The following CAMTA1 variants were observed in gnomAD, a reference collection of about 807,000 sequenced individuals.
The protein encoded by CAMTA1 is calmodulin-binding transcription activator 1.
CAMTA1 carries 27 observed loss-of-function variants against 170.9 expected under a neutral mutation model. That is an observed-to-expected ratio of 0.16 (90% CI 0.12 to 0.22). CAMTA1 has a LOEUF of 0.22. Among genes scored for constraint, CAMTA1 ranks in the 10% least tolerant of loss-of-function variants. The pLI is 1.00. For synonymous variants in CAMTA1, 833 were observed against 891.5 expected, an observed-to-expected ratio of 0.93 and a Z score of 1.17; for missense variants, 1,619 against 2,217.2, an observed-to-expected ratio of 0.73 and a Z score of 5.42.
chr1:7,553,340 T>A (rs2094833700), intron 6 of CAMTA1, among the ~76,000 whole-genome samples: 2 of 152,214 alleles, frequency 1.3e-5, no homozygotes, highest in Admixed American at 6.5e-5. Context: ...GAGGGCACAC[T>A]GGCAGTGAGG....
In CAMTA1 at chr1:7,286,169, G is replaced by A. The variant is rs562885844; in HGVS notation, c.438+36543G>A. Reference sequence around the variant, plus strand: ...GGATGAGTGAGCCTGCTGGTGGGGGGCAGAGAGGAAAGACCTCACAGGGAG... The same window carrying A: ...GGATGAGTGAGCCTGCTGGTGGGGGACAGAGAGGAAAGACCTCACAGGGAG... On this transcript the variant is annotated intron_variant, in intron 5 of 22. Transcript: ENST00000303635. The surrounding 1 kb of genome is among the most constrained non-coding windows in gnomAD (Gnocchi z 4.2). Among the ~76,000 whole-genome samples, 10 of 152,258 alleles carry A rather than the reference G, an allele frequency of 6.6e-5. No individual in the cohort carries two copies. In the South Asian group the frequency reaches 1.2e-3, roughly 19 times the overall value.
intron 3 of CAMTA1, among the ~76,000 whole-genome samples, chr1:6,976,560 C>A (rs1477418548): frequency 1.3e-5 from 2 of 152,150 alleles, no homozygotes; most frequent in Non-Finnish European, 2.9e-5. Flanking sequence ...GAAAGCCAGG[C>A]TCTCGGGAGC....
At chr1:7,740,899 A>G (rs950864420) in intron 16 of CAMTA1, among the ~76,000 whole-genome samples, 1 of 152,250 alleles carries the variant, frequency 6.6e-6, no homozygotes, top group Non-Finnish European at 1.5e-5. Flanking sequence ...GTGTCTATGA[A>G]AAAAGCAGCA....
intron 17 of CAMTA1, 72 bp from the exon 18 acceptor site, chr1:7,745,773 C>T: frequency 3.2e-6 from 5 of 1,580,156 alleles, no homozygotes; most frequent in Admixed American, 1.7e-5. Context: ...CATCTTGGCT[C>T]ATTCATTAAT....
chr1:7,203,998 AT>A (rs111533121), intron 4 of CAMTA1, among the ~76,000 whole-genome samples: 4,673 of 132,512 alleles, frequency 0.035, 231 homozygotes, highest in African/African-American at 0.15. Flanking sequence ...TGCCCGGCTA[AT>A]TTTTTTTTTT....
At chr1:7,043,149 C>T (rs970111400) in intron 3 of CAMTA1, among the ~76,000 whole-genome samples, 11 of 152,168 alleles carry the variant, frequency 7.2e-5, no homozygotes, top group South Asian at 2.1e-4. Context: ...CTGCCAAGGC[C>T]GCTGGCACAG....
At chr1:7,520,361 G>A (rs976115230) in intron 6 of CAMTA1, among the ~76,000 whole-genome samples, 2 of 146,366 alleles carry the variant, frequency 1.4e-5, no homozygotes, top group Middle Eastern at 3.4e-3. Flanking sequence ...TTGGGGCTGA[G>A]AGTTATTCGA....
chr1:7,766,334 C>A, intron 22 of CAMTA1, 125 bp from the exon 23 acceptor site: 1 of 745,698 alleles, frequency 1.3e-6, no homozygotes, highest in South Asian at 2.1e-5. Context: ...CTTTTGCCGT[C>A]AATCCTCAAA....
Position 6,879,200 on chromosome 1 carries a change from T to C in CAMTA1, c.234+53990T>C, listed in dbSNP as rs138008432. ...CTGGAAGTATTTTATCTTAATACCA[T>C]CTATAAAACTCAGTCATCCTAGGAG... is the stretch of plus-strand genomic sequence containing the variant. On this transcript the variant is annotated intron_variant, in intron 3 of 22. Coordinates refer to ENST00000303635, the MANE Select transcript of CAMTA1 (RefSeq NM_015215.4). Among the ~76,000 whole-genome samples the C allele has an allele frequency of 2.6e-5, 4 of 152,278 alleles. No homozygotes were observed. In the East Asian group the frequency reaches 7.7e-4, roughly 29 times the overall value.
chr1:7,264,219 C>T (rs556999960), intron 5 of CAMTA1, among the ~76,000 whole-genome samples: 15 of 152,160 alleles, frequency 9.9e-5, no homozygotes, highest in Non-Finnish European at 1.6e-4. Flanking sequence ...CTGGGTGGGG[C>T]CTGAGATGCT....
At chr1:7,705,678 C>T (rs955912536) in intron 11 of CAMTA1, among the ~76,000 whole-genome samples, 27 of 152,128 alleles carry the variant, frequency 1.8e-4, no homozygotes, top group Non-Finnish European at 3.5e-4. Context: ...CCTGGGCAGA[C>T]AGGTGCGAGG....
intron 5 of CAMTA1, among the ~76,000 whole-genome samples, chr1:7,415,127 T>C (rs1306113823): frequency 6.6e-5 from 10 of 152,116 alleles, no homozygotes; most frequent in Admixed American, 2.0e-4. Context: ...TGAGAGACAG[T>C]TTGTTATAAT....
In CAMTA1 at chr1:6,918,850, G is replaced by A. The variant is rs1344949390; in HGVS notation, c.234+93640G>A. 1.3e-5 allele frequency among the ~76,000 whole-genome samples: 2 copies of A among 152,198 alleles called. No homozygotes were observed. The highest frequency in any genetic ancestry group is 1.9e-4 in the East Asian group (1 of 5,182). On this transcript the variant is annotated intron_variant, in intron 3 of 22. Coordinates refer to ENST00000303635, the MANE Select transcript of CAMTA1 (RefSeq NM_015215.4). This position sits in a 1 kb window ranked among gnomAD's most constrained non-coding sequence, Gnocchi z 4.0. Reference sequence around the variant, plus strand: ...GCCACTTGATGCAGAGAAGAAAGGAGGGTCTGAATCGGGCCCAGCAGAACT... The same window carrying A: ...GCCACTTGATGCAGAGAAGAAAGGAAGGTCTGAATCGGGCCCAGCAGAACT...
chr1:6,961,026 G>T (rs1283636509), intron 3 of CAMTA1, among the ~76,000 whole-genome samples: 1 of 152,186 alleles, frequency 6.6e-6, no homozygotes, highest in African/African-American at 2.4e-5. Flanking sequence ...AACCCAGGCA[G>T]CCTGGAGTGA....
At chr1:7,386,793 G>A (rs1240994085) in intron 5 of CAMTA1, among the ~76,000 whole-genome samples, 4 of 152,128 alleles carry the variant, frequency 2.6e-5, no homozygotes, top group South Asian at 4.1e-4. Context: ...ATACTTTCCC[G>A]GGTCACTTGG....
chr1:7,704,385 A>G (rs963006839), intron 11 of CAMTA1, among the ~76,000 whole-genome samples: 3 of 145,672 alleles, frequency 2.1e-5, no homozygotes, highest in Non-Finnish European at 4.6e-5. Context: ...GCCTCGAGGG[A>G]ACCGTCGCCG....
intron 3 of CAMTA1, among the ~76,000 whole-genome samples, chr1:6,985,556 A>C (rs1036053392): frequency 1.2e-4 from 18 of 152,248 alleles, no homozygotes; most frequent in African/African-American, 3.9e-4. Context: ...GGGACCCGAT[A>C]TACACTTACA....
chr1:7,291,870 C>T (rs1673186416), intron 5 of CAMTA1, among the ~76,000 whole-genome samples: 1 of 152,162 alleles, frequency 6.6e-6, no homozygotes, highest in African/African-American at 2.4e-5. Context: ...GGAAGTGGTG[C>T]AGGGAAGAAA....
At chr1:7,758,841 A>T (rs2096952397) in intron 22 of CAMTA1, among the ~76,000 whole-genome samples, 2 of 150,492 alleles carry the variant, frequency 1.3e-5, no homozygotes, top group Non-Finnish European at 3.0e-5. Flanking sequence ...AGGCTGAGGC[A>T]GGAGAATGGT....
Sources: allele counts gnomAD v4.1 joint callset (sites outside exome capture counted in the v4.1 genomes callset), GRCh38; gene constraint gnomAD v4.1.1; non-coding constraint Gnocchi (gnomAD v3.1); transcripts MANE v1.5; gene names NCBI Gene and HGNC (gene_info 2026-07-23, HGNC 2026-07-21).